Variants in TRDN observed in about 807,000 individuals in gnomAD.
The protein encoded by TRDN is triadin.
Under a neutral mutation model 149.7 loss-of-function variants are expected in TRDN, and 161 were observed. That is an observed-to-expected ratio of 1.08 (90% CI 0.95 to 1.23). TRDN has a LOEUF of 1.23. TRDN is among the 50% of genes most tolerant of loss of function. TRDN has a pLI of 0.00. For missense variants in TRDN, 896 were observed against 823.5 expected (o/e 1.09, Z -1.08); for synonymous variants, 294 against 250.5 (o/e 1.17, Z -1.64).
rs1275928356 is a variant in TRDN at position 123,408,601 on chromosome 6, C to T, written c.1052-14924G>A. On this transcript the variant is annotated intron_variant, in intron 12 of 40. Transcript: ENST00000334268. ...GCTGAGGCAGGAGAATTGCTTGAACCCAGGACGCAGAGGTTGCAGTGAGCA... is the reference window on the plus strand; with the variant it reads ...GCTGAGGCAGGAGAATTGCTTGAACTCAGGACGCAGAGGTTGCAGTGAGCA... Among the ~76,000 whole-genome samples, 4 of 151,606 alleles carry T rather than the reference C, an allele frequency of 2.6e-5. No individual in the cohort carries two copies. In the South Asian group the frequency reaches 6.3e-4, roughly 24 times the overall value.
chr6:123,506,789 C>CA (rs1415319081), intron 7 of TRDN, among the ~76,000 whole-genome samples: 1 of 151,836 alleles, frequency 6.6e-6, no homozygotes, highest in East Asian at 1.9e-4. Context: ...AATTCACATG[C>CA]AAAAAAATGG....
At chr6:123,256,987 CTTTTTTTT>C (rs34052517) in intron 35 of TRDN, among the ~76,000 whole-genome samples, 1 of 142,934 alleles carries the variant, frequency 7.0e-6, no homozygotes, top group South Asian at 2.2e-4. Flanking sequence ...TCTTTTCTTT[CTTTTTTTT>C]TTTTTAGACA....
intron 12 of TRDN, among the ~76,000 whole-genome samples, chr6:123,411,049 C>T (rs1195486107): frequency 7.9e-6 from 1 of 126,400 alleles, no homozygotes; most frequent in Non-Finnish European, 1.7e-5. Context: ...AACTTTCTTT[C>T]TTTTTTTTTT....
intron 12 of TRDN, among the ~76,000 whole-genome samples, chr6:123,401,957 A>G (rs1772995976): frequency 1.3e-5 from 2 of 152,156 alleles, no homozygotes; most frequent in African/African-American, 2.4e-5. Context: ...AAAAAGAAAA[A>G]AAAAAAAAAA....
intron 1 of TRDN, among the ~76,000 whole-genome samples, chr6:123,604,837 A>G (rs1440985565): frequency 6.6e-6 from 1 of 151,950 alleles, no homozygotes; most frequent in Non-Finnish European, 1.5e-5. Flanking sequence ...ATAAACAGAC[A>G]GTGGTGTCAT....
Position 123,226,157 on chromosome 6 carries a change from T to A in TRDN, c.1976-2026A>T, listed in dbSNP as rs74454125. Among the ~76,000 whole-genome samples, 1,240 of 151,898 alleles carry A rather than the reference T, an allele frequency of 8.2e-3. 15 individuals are homozygous for A. Among genetic ancestry groups the A allele is most frequent in the African/African-American group, 0.028 (1,176 of 41,514 alleles). On this transcript the variant is annotated intron_variant, in intron 38 of 40. Coordinates refer to ENST00000334268, the MANE Select transcript of TRDN (RefSeq NM_006073.4). ...TTGTAAATAATATTTAAACATAGGT[T>A]TAACTCAATTAAATACTGGATAAAA...
At chr6:123,551,907 TAAAAG>T (rs775117151) in intron 2 of TRDN, among the ~76,000 whole-genome samples, 6 of 152,052 alleles carry the variant, frequency 3.9e-5, no homozygotes, top group Non-Finnish European at 8.8e-5. Context: ...TTCTTGCTCT[TAAAAG>T]GAAGAACAAA....
intron 1 of TRDN, among the ~76,000 whole-genome samples, chr6:123,602,208 T>C (rs1369396966): frequency 6.6e-6 from 1 of 151,948 alleles, no homozygotes; most frequent in African/African-American, 2.4e-5. Flanking sequence ...CAACAAATGA[T>C]AAAATGTGGC....
rs1776690957 is a variant in TRDN, at chr6:123,259,656, T to G, written c.1838A>C (p.Lys613Thr). Residue 613 changes from lysine (K) to threonine (T), a missense_variant, in exon 35 of 41, where the codon AAG (lysine) becomes ACG (threonine). Physicochemically the swap from Lys to Thr is moderately conservative, Grantham distance 78 (BLOSUM62 -1). Coordinates refer to ENST00000334268, the MANE Select transcript of TRDN (RefSeq NM_006073.4). ...TTCTTTTTCAGATATTTCAGTTTTC[T>G]TCTTTCCTAGGGGAAAGAAAAACAA... The part of the protein sequence containing the change: ...GTSEVTESGK[K>T]KTEISEKESK... The G allele has an allele frequency of 1.4e-6, 2 of 1,471,912 alleles. No individual in the cohort carries two copies. Among genetic ancestry groups the G allele is most frequent in the Non-Finnish European group, 9.2e-7 (1 of 1,087,130 alleles). The allele number at this position is 1,471,912 out of a possible 1,614,324, so 91.2% of individuals were successfully genotyped here.
intron 12 of TRDN, among the ~76,000 whole-genome samples, chr6:123,395,062 A>G (rs1025314307): frequency 3.3e-5 from 5 of 152,196 alleles, no homozygotes; most frequent in African/African-American, 1.2e-4. Flanking sequence ...CAGATGTTTT[A>G]CTTCTTGGAG....
intron 38 of TRDN, among the ~76,000 whole-genome samples, chr6:123,251,627 T>C (rs1317449580): frequency 1.3e-5 from 2 of 151,954 alleles, no homozygotes; most frequent in African/African-American, 4.8e-5. Context: ...GTAATTAAAA[T>C]TAAAATTACA....
Position 123,301,768 on chromosome 6 carries a change from T to TATATATATACATATATATATATATAC in TRDN, c.1510+14688_1510+14689insGTATATATATATATATGTATATATAT. On this transcript the variant is annotated intron_variant, in intron 24 of 40. Coordinates refer to ENST00000334268, the MANE Select transcript of TRDN (RefSeq NM_006073.4). ...ATATATATACATATATATATATATATACATATATATATATATATACATAAA... is the reference window on the plus strand; with the variant it reads ...ATATATATACATATATATATATATATATATATATACATATATATATATATACACATATATATATATATATACATAAA... 1.7e-3 allele frequency among the ~76,000 whole-genome samples: 161 copies of TATATATATACATATATATATATATAC among 92,714 alleles called. 8 individuals carry two copies. The highest frequency in any genetic ancestry group is 2.8e-3 in the Non-Finnish European group (122 of 43,814). 60.8% of individuals were successfully genotyped at this position (92,714 alleles called of 152,430 possible). A position where few individuals can be genotyped will look rare whatever the true frequency, so the allele number is the denominator to read the frequency against.
At chr6:123,533,271 G>T (rs1465798358) in intron 4 of TRDN, among the ~76,000 whole-genome samples, 2 of 152,066 alleles carry the variant, frequency 1.3e-5, no homozygotes, top group African/African-American at 4.8e-5. Flanking sequence ...GTGCATATGT[G>T]TGTATATATA....
chr6:123,286,385 A>T (rs918742249), intron 24 of TRDN, among the ~76,000 whole-genome samples: 1 of 152,152 alleles, frequency 6.6e-6, no homozygotes, highest in African/African-American at 2.4e-5. Flanking sequence ...AGCAACCTGG[A>T]TGGAACTGGA....
chr6:123,484,429 G>A (rs974117769), intron 9 of TRDN, among the ~76,000 whole-genome samples: 1 of 152,040 alleles, frequency 6.6e-6, no homozygotes, highest in Non-Finnish European at 1.5e-5. Flanking sequence ...CTTCACTTGT[G>A]CATATAAACT....
At chr6:123,619,377 G>C (rs1327154290) in intron 1 of TRDN, among the ~76,000 whole-genome samples, 1 of 152,140 alleles carries the variant, frequency 6.6e-6, no homozygotes, top group Non-Finnish European at 1.5e-5. Context: ...GGTGCTGGCT[G>C]TTGGCTGGAA....
chr6:123,572,106 C>G (rs1164626560), intron 1 of TRDN, among the ~76,000 whole-genome samples: 1 of 152,030 alleles, frequency 6.6e-6, no homozygotes, highest in Admixed American at 6.6e-5. Flanking sequence ...TTATCCTTGA[C>G]AATACTATCA....
chr6:123,523,939 T>C (rs1213736872), intron 5 of TRDN, among the ~76,000 whole-genome samples: 1 of 152,148 alleles, frequency 6.6e-6, no homozygotes, highest in East Asian at 1.9e-4. Context: ...GAAACCACTG[T>C]GGGATATATT....
Position 123,467,387 on chromosome 6 carries a change from G to A in TRDN, c.854-2404C>T, listed in dbSNP as rs963184120. ...AGAACACACAAACTGGTGCTTCTGC[G>A]GCATAAAGTGCAATATGCAGTTGAT... is the stretch of plus-strand genomic sequence containing the variant. On this transcript the variant is annotated intron_variant, in intron 9 of 40. Transcript: ENST00000334268. Among the ~76,000 whole-genome samples the A allele has an allele frequency of 2.6e-5, 4 of 151,512 alleles. No individual in the cohort carries two copies. The South Asian group carries it at 6.2e-4, about 24-fold the overall frequency.
Sources: gnomAD v4.1 joint callset for allele counts (sites outside exome capture counted in the v4.1 genomes callset) on GRCh38, gnomAD v4.1.1 for gene constraint, MANE v1.5 for transcripts, NCBI Gene and HGNC (gene_info 2026-07-23, HGNC 2026-07-21) for gene names.